ARFGEF2: variants seen among roughly 807,000 people sequenced by gnomAD.
ARFGEF2 encodes the protein brefeldin A-inhibited guanine nucleotide-exchange protein 2.
ARFGEF2 carries 74 observed loss-of-function variants against 219.9 expected under a neutral mutation model. The observed-to-expected ratio is 0.34, with a 90% CI of 0.28 to 0.41. ARFGEF2 has a LOEUF of 0.41. Ranked by LOEUF, ARFGEF2 falls within the 10% of genes least tolerant of loss-of-function variation. The pLI, the probability that ARFGEF2 is intolerant of heterozygous loss-of-function variation, is 1.00. For missense variants in ARFGEF2, 1,743 were observed against 2,218.3 expected, an observed-to-expected ratio of 0.79 and a Z score of 4.30; for synonymous variants, 733 against 799.2, an observed-to-expected ratio of 0.92 and a Z score of 1.40.
chr20:48,988,416 G>T (rs2091338519), intron 17 of ARFGEF2, 28 bp downstream of exon 17: 2 of 1,611,470 alleles, frequency 1.2e-6, no homozygotes, highest in African/African-American at 2.7e-5. Context: ...TTTACATGTT[G>T]TATTAGCTAA....
intron 1 of ARFGEF2, among the ~76,000 whole-genome samples, chr20:48,932,911 G>A (rs2090922072): frequency 6.6e-6 from 1 of 152,186 alleles, no homozygotes; most frequent in Non-Finnish European, 1.5e-5. Context: ...ACAGATAGAA[G>A]TCTGAGGAGT....
chr20:49,002,291 T>C (rs1324122254), intron 25 of ARFGEF2, among the ~76,000 whole-genome samples: 1 of 152,094 alleles, frequency 6.6e-6, no homozygotes, highest in Non-Finnish European at 1.5e-5. Context: ...TCTTAACAAT[T>C]TTAAGTGTGC....
At chr20:48,985,219 T>C (rs1357789526) in intron 15 of ARFGEF2, among the ~76,000 whole-genome samples, 189 bp from the exon 16 acceptor site, 1 of 106,142 alleles carries the variant, frequency 9.4e-6, no homozygotes, top group Non-Finnish European at 1.7e-5. Flanking sequence ...CCTTCATCCA[T>C]GCAGGACAGG....
rs916612215 is a variant in ARFGEF2 at position 49,017,250 on chromosome 20, T to C, written c.4317T>C (p.Asp1439=). ...FAQLQWCVKQ[D]NEQLARSGTN... ...GATAGATACTGCTTTATTTTACAGA[T>C]AATGAACAGTTGGCGCGATCAGGTA... Residue 1439 remains aspartate, a splice_region_variant and synonymous_variant, in exon 32 of 39, where the codon GAT becomes GAC. Coordinates refer to ENST00000371917, the MANE Select transcript of ARFGEF2 (RefSeq NM_006420.3). 1.9e-6 allele frequency: 3 copies of C among 1,613,808 alleles called. No individual in the cohort carries two copies. Among genetic ancestry groups the C allele is most frequent in the Non-Finnish European group, 2.5e-6 (3 of 1,179,952 alleles).
intron 14 of ARFGEF2, among the ~76,000 whole-genome samples, chr20:48,984,166 A>G (rs2091312582): frequency 1.3e-5 from 2 of 152,222 alleles, no homozygotes; most frequent in Admixed American, 1.3e-4. Context: ...CCTTAAGGAC[A>G]TCAGAGATCC....
chr20:48,984,545 A>G (rs200220664), intron 14 of ARFGEF2, among the ~76,000 whole-genome samples, 184 bp from the exon 15 acceptor site: 1 of 152,360 alleles, frequency 6.6e-6, no homozygotes, highest in South Asian at 2.1e-4. Context: ...GACTCTGACC[A>G]GGTATAGCTG....
intron 21 of ARFGEF2, among the ~76,000 whole-genome samples, chr20:48,992,171 C>T (rs763574725): frequency 1.3e-5 from 2 of 152,140 alleles, no homozygotes; most frequent in African/African-American, 4.8e-5. Flanking sequence ...AGTAAAATTA[C>T]AAGTTGTTAT....
intron 26 of ARFGEF2, among the ~76,000 whole-genome samples, chr20:49,006,411 C>T (rs1432269794): frequency 6.6e-6 from 1 of 152,182 alleles, no homozygotes; most frequent in African/African-American, 2.4e-5. Context: ...CTACTTTTCT[C>T]TGTGTTTTAA....
intron 27 of ARFGEF2, 39 bp downstream of exon 27, chr20:49,010,443 G>C: frequency 6.2e-7 from 1 of 1,608,932 alleles, no homozygotes; most frequent in East Asian, 2.2e-5. Context: ...TGTCCCACCT[G>C]CAAGTCTAGA....
At position 48,942,473 on chromosome 20, in the gene ARFGEF2, GTTTTTTTTTTTTTTTT is replaced by G. The variant is rs58144046; in HGVS notation, c.276+498_276+513del. Among the ~76,000 whole-genome samples, 502 of 73,546 alleles carry G rather than the reference GTTTTTTTTTTTTTTTT, an allele frequency of 6.8e-3. 4 individuals carry two copies. The highest frequency in any genetic ancestry group is 0.031 in the African/African-American group (484 of 15,826). 48.2% of individuals were successfully genotyped at this position (73,546 alleles called of 152,430 possible). On this transcript the variant is annotated intron_variant, in intron 3 of 38. Transcript: ENST00000371917. Reference sequence around the variant, plus strand: ...TGGCTCAGCCTTTCTTTCTTACTTGGTTTTTTTTTTTTTTTTTTTTTTTTTTTGGAGATGGAGGTTT... The same window carrying G: ...TGGCTCAGCCTTTCTTTCTTACTTGGTTTTTTTTTTTGGAGATGGAGGTTT...
chr20:48,952,589 G>GA (rs1456934750), intron 4 of ARFGEF2, 116 bp from the exon 5 acceptor site: 2 of 1,031,412 alleles, frequency 1.9e-6, no homozygotes, highest in East Asian at 4.9e-5. Flanking sequence ...CAATTTATTT[G>GA]AAAAAAGCAC....
chr20:48,960,634 C>T (rs2091142234), intron 6 of ARFGEF2, among the ~76,000 whole-genome samples: 1 of 151,806 alleles, frequency 6.6e-6, no homozygotes, highest in South Asian at 2.1e-4. Context: ...CAGGTGCCCG[C>T]TACCACACCT....
chr20:49,004,348 A>G (rs1341462885), intron 25 of ARFGEF2, among the ~76,000 whole-genome samples: 2 of 152,104 alleles, frequency 1.3e-5, no homozygotes, highest in African/African-American at 4.8e-5. Flanking sequence ...AAGAAACAAG[A>G]AAAGAAAAGA....
chr20:48,923,136 A>C (rs1232418525), intron 1 of ARFGEF2, among the ~76,000 whole-genome samples: 1 of 152,138 alleles, frequency 6.6e-6, no homozygotes, highest in East Asian at 1.9e-4. Flanking sequence ...CACCATATGG[A>C]GTTTCAGAAG....
chr20:48,945,890 AGGAAT>A (rs1299959158), intron 3 of ARFGEF2, among the ~76,000 whole-genome samples: 1 of 152,148 alleles, frequency 6.6e-6, no homozygotes, highest in Non-Finnish European at 1.5e-5. Flanking sequence ...ACACACAGAA[AGGAAT>A]GGAAGTTCTC....
chr20:48,957,459 T>A (rs550963196), intron 6 of ARFGEF2, among the ~76,000 whole-genome samples: 7 of 152,282 alleles, frequency 4.6e-5, no homozygotes, highest in Non-Finnish European at 7.4e-5. Flanking sequence ...GCCCTCTTAT[T>A]TTGCTTCGGG....
chr20:48,992,206 C>A (rs970644176), intron 21 of ARFGEF2, among the ~76,000 whole-genome samples: 1 of 152,124 alleles, frequency 6.6e-6, no homozygotes, highest in Non-Finnish European at 1.5e-5. Flanking sequence ...CATTGTCTCT[C>A]GTGGCAAAAT....
chr20:48,991,329 C>T, intron 21 of ARFGEF2, 131 bp downstream of exon 21: 2 of 1,331,072 alleles, frequency 1.5e-6, no homozygotes, highest in Admixed American at 3.5e-5. Flanking sequence ...ATCTGGAAGT[C>T]ACCCTCTCTG....
chr20:49,011,950 G>A lies in ARFGEF2; in HGVS notation c.3784G>A (p.Ala1262Thr). ...VTTIFQHHFP[A>T]AIDSFQDAVK... ...AACTATTTTCCAGCACCATTTTCCT[G>A]CAGCCATCGATTCCTTTCAGGATGC... The change falls in exon 28 of 39, where the codon GCA (alanine) becomes ACA (threonine). Residue 1262 changes from alanine to threonine, a missense_variant. Physicochemically the swap from Ala to Thr is moderately conservative, Grantham distance 58. Coordinates refer to ENST00000371917, the MANE Select transcript of ARFGEF2 (RefSeq NM_006420.3). The A allele has an allele frequency of 6.2e-7, 1 of 1,614,156 alleles. No individual in the cohort carries two copies. The highest frequency in any genetic ancestry group is 8.5e-7 in the Non-Finnish European group (1 of 1,180,024).
Sources: allele counts gnomAD v4.1 joint callset (sites outside exome capture counted in the v4.1 genomes callset), GRCh38; gene constraint gnomAD v4.1.1; transcripts MANE v1.5; gene names NCBI Gene and HGNC (gene_info 2026-07-23, HGNC 2026-07-21).